Variants in FOXRED2 observed in about 807,000 individuals in gnomAD.
FOXRED2 encodes the protein FAD dependent oxidoreductase domain containing 2, also known as FAD-dependent oxidoreductase domain-containing protein 2.
A neutral mutation model predicts 52.5 loss-of-function variants in FOXRED2; 32 were observed. That is an observed-to-expected ratio of 0.61 (90% CI 0.46 to 0.82). The LOEUF (loss-of-function observed/expected upper bound fraction) is 0.82. FOXRED2 is among the 40% of genes least tolerant of loss of function. The pLI, the probability that FOXRED2 is intolerant of heterozygous loss-of-function variation, is 0.00. For missense variants in FOXRED2, 848 were observed against 937.5 expected (o/e 0.90, Z 1.25); for synonymous variants, 405 against 398.1 (o/e 1.02, Z -0.21).
In FOXRED2 at chr22:36,504,129, C is replaced by T; in HGVS notation, c.1018G>A (p.Gly340Ser). 1.9e-6 allele frequency: 3 copies of T among 1,614,176 alleles called. No individual in the cohort carries two copies. The highest frequency in any genetic ancestry group is 2.5e-6 in the Non-Finnish European group (3 of 1,180,026). Residue 340 changes from glycine to serine, a missense_variant, in exon 4 of 9, where the codon GGC becomes AGC. Gly to Ser is a moderately conservative substitution (Grantham distance 56). Coordinates refer to ENST00000397224, the MANE Select transcript of FOXRED2 (RefSeq NM_001102371.2). ...VPYDRVIRCL[G>S]WNFDFSIFNK... ...AAAATGGAGAAGTCAAAGTTCCAGC[C>T]CAGGCAGCGGATTACCCGGTCATAG...
rs1254557114 is a variant in FOXRED2, at chr22:36,507,035, T to A, written c.-28A>T. On this transcript the variant is annotated 5_prime_UTR_variant, in exon 1 of 9. Transcript: ENST00000397224. ...TCCCAGCCGCTCCGGCTGCAACCCG[T>A]GGTCTAATGAGGCCGCGCTTGGCTC... The A allele has an allele frequency of 6.6e-6, 1 of 152,180 alleles. No homozygotes were observed. The highest frequency in any genetic ancestry group is 2.1e-4 in the South Asian group (1 of 4,840). The allele number at this position is 152,180 out of a possible 1,614,324, so 9.4% of individuals were successfully genotyped here. A position where few individuals can be genotyped will look rare whatever the true frequency, so the allele number is the denominator to read the frequency against.
chr22:36,490,064 G>C lies in FOXRED2; in HGVS notation c.1999C>G (p.Pro667Ala). ...TGAGCCAGAGGCCCTGGAGCCAGGG[G>C]GGAACCTAGTGGCTCTTGGTCGCCA... ...QLGDQEPLGS[P>A]LAPGPLAQSV... Residue 667 changes from proline (P) to alanine (A), a missense_variant, in exon 9 of 9, where the codon CCC (proline) becomes GCC (alanine). Coordinates refer to ENST00000397224, the MANE Select transcript of FOXRED2 (RefSeq NM_001102371.2). The C allele has an allele frequency of 6.2e-7, 1 of 1,612,890 alleles. No homozygotes were observed. The highest frequency in any genetic ancestry group is 8.5e-7 in the Non-Finnish European group (1 of 1,179,124).
intron 8 of FOXRED2, among the ~76,000 whole-genome samples, chr22:36,491,962 T>C (rs942370129): frequency 6.6e-6 from 1 of 152,134 alleles, no homozygotes; most frequent in Non-Finnish European, 1.5e-5. Context: ...TCTGTAACTC[T>C]GAGCGAGCCT....
chr22:36,489,902 G>C lies in FOXRED2; in HGVS notation c.*106C>G. 8.3e-7 allele frequency: 1 copy of C among 1,211,580 alleles called. No individual in the cohort carries two copies. Among genetic ancestry groups the C allele is most frequent in the Non-Finnish European group, 1.1e-6 (1 of 883,472 alleles). 75.1% of individuals were successfully genotyped at this position (1,211,580 alleles called of 1,614,324 possible). A position where few individuals can be genotyped will look rare whatever the true frequency, so the allele number is the denominator to read the frequency against. ...CACTGCCATGATCTGAGTGGTCTTT[G>C]GCAATCACGCATTGGCGGGAGTGTG... On this transcript the variant is annotated 3_prime_UTR_variant, in exon 9 of 9. Transcript: ENST00000397224.
At chr22:36,502,186 A>C (rs1324495402) in intron 4 of FOXRED2, among the ~76,000 whole-genome samples, 3 of 150,098 alleles carry the variant, frequency 2.0e-5, no homozygotes, top group South Asian at 4.2e-4. Context: ...CAAACAAACA[A>C]ACAAACAATG....
chr22:36,496,193 A>C lies in FOXRED2; in HGVS notation c.1398T>G (p.Phe466Leu), dbSNP rs36101909. 234 of 1,613,734 alleles carry C rather than the reference A, an allele frequency of 1.5e-4. 2 individuals carry two copies. The African/African-American group carries it at 2.8e-3, about 19-fold the overall frequency. Residue 466 changes from phenylalanine to leucine, a missense_variant, in exon 7 of 9, where the codon TTT becomes TTG. Transcript: ENST00000397224. ...VILLKENSTA[F>L]EYLEEFPIQM... is the part of the protein sequence containing the mutation. Reference sequence around the variant, plus strand: ...GTATGGGGAACTCCTCCAGGTACTCAAAGGCCGTGGAATTCCTGGGAGAAC... The same window carrying C: ...GTATGGGGAACTCCTCCAGGTACTCCAAGGCCGTGGAATTCCTGGGAGAAC...
At chr22:36,494,743 G>A (rs1030722083) in intron 7 of FOXRED2, among the ~76,000 whole-genome samples, 8 of 150,516 alleles carry the variant, frequency 5.3e-5, no homozygotes, top group South Asian at 2.1e-4. Flanking sequence ...GGGTTCAAGC[G>A]ATTCTCCTGC....
intron 2 of FOXRED2, 126 bp downstream of exon 2, chr22:36,505,770 T>TAAA (rs373218799): frequency 4.4e-5 from 40 of 907,912 alleles, no homozygotes; most frequent in Non-Finnish European, 5.9e-5. Context: ...GACTCCGTCT[T>TAAA]AAAAAAAAAA....
rs1360219000 is a variant in FOXRED2, at chr22:36,489,852, T to G, written c.*156A>C. 4.3e-6 allele frequency: 3 copies of G among 692,690 alleles called. No individual in the cohort carries two copies. Among genetic ancestry groups the G allele is most frequent in the Non-Finnish European group, 6.6e-6 (3 of 452,456 alleles). 42.9% of individuals were successfully genotyped at this position (692,690 alleles called of 1,614,324 possible). On this transcript the variant is annotated 3_prime_UTR_variant, in exon 9 of 9. Coordinates refer to ENST00000397224, the MANE Select transcript of FOXRED2 (RefSeq NM_001102371.2). ...GCATCCCCGACTTTCAGCCCTCACG[T>G]GCCATCTGGTGGCTTTGCTGCAGAC...
chr22:36,492,150 G>T (rs1430583281), intron 8 of FOXRED2, among the ~76,000 whole-genome samples: 1 of 152,148 alleles, frequency 6.6e-6, no homozygotes, highest in Non-Finnish European at 1.5e-5. Flanking sequence ...CTCTCCAAGC[G>T]GGTAAGAGAG....
intron 6 of FOXRED2, 80 bp from the exon 7 acceptor site, chr22:36,496,288 T>C: frequency 1.3e-6 from 2 of 1,545,932 alleles, no homozygotes; most frequent in Non-Finnish European, 1.8e-6. Flanking sequence ...AGCATGTGTG[T>C]GTGCGTGTGT....
intron 1 of FOXRED2, 165 bp from the exon 2 acceptor site, chr22:36,506,588 C>A: frequency 1.6e-6 from 1 of 638,946 alleles, no homozygotes; most frequent in Non-Finnish European, 2.4e-6. Flanking sequence ...CCGTTTCAAG[C>A]TGGGACTTGG....
chr22:36,488,116 A>T lies in FOXRED2; in HGVS notation c.*1892T>A, dbSNP rs1159471562. The T allele has an allele frequency of 2.0e-5, 3 of 151,966 alleles. No homozygotes were observed. The highest frequency in any genetic ancestry group is 4.4e-5 in the Non-Finnish European group (3 of 68,014). 9.4% of individuals were successfully genotyped at this position (151,966 alleles called of 1,614,324 possible). ...CAAAAAAAAAAAAAAAGAAAAAGAAAAAGTCTGGACCAAGCCAAGAGGGGA... is the reference window on the plus strand; with the variant it reads ...CAAAAAAAAAAAAAAAGAAAAAGAATAAGTCTGGACCAAGCCAAGAGGGGA... On this transcript the variant is annotated 3_prime_UTR_variant, in exon 9 of 9. Coordinates refer to ENST00000397224, the MANE Select transcript of FOXRED2 (RefSeq NM_001102371.2).
At position 36,490,108 on chromosome 22, in the gene FOXRED2, T is replaced by C; in HGVS notation, c.1955A>G (p.Glu652Gly). ...RDYAPTGRRLEDSSQQLGDQE... is the reference protein window; with the variant it reads ...RDYAPTGRRLGDSSQQLGDQE... The stretch of plus-strand genomic sequence containing the variant: ...GTCGCCAAGCTGCTGGCTGCTGTCC[T>C]CCAGGCGCCTGCCTGTGGGGGCATA... The change falls in exon 9 of 9, where the codon GAG (glutamate) becomes GGG (glycine). Residue 652 changes from glutamate (E) to glycine (G), a missense_variant. Glu to Gly is a moderately conservative substitution (Grantham distance 98). Coordinates refer to ENST00000397224, the MANE Select transcript of FOXRED2 (RefSeq NM_001102371.2). The C allele has an allele frequency of 6.2e-7, 1 of 1,613,888 alleles. No individual in the cohort carries two copies. The highest frequency in any genetic ancestry group is 8.5e-7 in the Non-Finnish European group (1 of 1,179,826).
intron 2 of FOXRED2, among the ~76,000 whole-genome samples, chr22:36,505,240 C>T (rs768079929): frequency 1.8e-4 from 28 of 152,216 alleles, no homozygotes; most frequent in Non-Finnish European, 2.6e-4. Flanking sequence ...TCTGACTCCT[C>T]CAAGCAACCT....
Position 36,504,778 on chromosome 22 carries a change from G to A in FOXRED2, c.528-12C>T, listed in dbSNP as rs1031557490. ...CTACAAAGAGGACGCTGCAGGCGGGGACAGAGGAAAGATGGCTTAGTCTCT... is the reference window on the plus strand; with the variant it reads ...CTACAAAGAGGACGCTGCAGGCGGGAACAGAGGAAAGATGGCTTAGTCTCT... On this transcript the variant is annotated splice_polypyrimidine_tract_variant and intron_variant, in intron 2 of 8. Coordinates refer to ENST00000397224, the MANE Select transcript of FOXRED2 (RefSeq NM_001102371.2). The A allele has an allele frequency of 1.6e-5, 26 of 1,613,216 alleles. No homozygotes were observed. Among genetic ancestry groups the A allele is most frequent in the Non-Finnish European group, 2.0e-5 (23 of 1,179,380 alleles).
intron 4 of FOXRED2, among the ~76,000 whole-genome samples, chr22:36,501,647 G>A (rs1009572603): frequency 4.6e-5 from 7 of 151,978 alleles, no homozygotes; most frequent in Non-Finnish European, 1.0e-4. Flanking sequence ...TTTTAGTAGA[G>A]ACCAGGTTTC....
chr22:36,496,342 C>G, intron 6 of FOXRED2, 134 bp from the exon 7 acceptor site: 1 of 1,080,710 alleles, frequency 9.3e-7, no homozygotes, highest in Non-Finnish European at 1.3e-6. Context: ...ACACCCCTCA[C>G]TTAACATTAC....
intron 6 of FOXRED2, among the ~76,000 whole-genome samples, chr22:36,497,084 A>G (rs1326805332): frequency 1.3e-5 from 2 of 151,934 alleles, no homozygotes; most frequent in East Asian, 3.9e-4. Flanking sequence ...GGAGGCTGAG[A>G]CACGAGAATC....
Sources: allele counts gnomAD v4.1 joint callset (sites outside exome capture counted in the v4.1 genomes callset), GRCh38; gene constraint gnomAD v4.1.1; transcripts MANE v1.5; gene names NCBI Gene and HGNC (gene_info 2026-07-23, HGNC 2026-07-21).